The following SS18 variants were observed in gnomAD, a reference collection of about 807,000 sequenced individuals.
SS18 encodes SS18 subunit of BAF chromatin remodeling complex.
In SS18, 28 loss-of-function variants were observed where a neutral mutation model predicts 72.5. The ratio of observed to expected loss-of-function variants is 0.39; its 90% confidence interval spans 0.29 to 0.53. The LOEUF (loss-of-function observed/expected upper bound fraction) is 0.53, where lower values mean the gene tolerates loss of function less well. SS18 is among the 20% of genes least tolerant of loss of function. The probability of loss-of-function intolerance (pLI) is 0.76; values close to 1 mark genes in which losing one functional copy is unlikely to be tolerated. For synonymous variants in SS18, 172 were observed against 164.2 expected, an observed-to-expected ratio of 1.05 and a Z score of -0.37; for missense variants, 518 against 535.3, an observed-to-expected ratio of 0.97 and a Z score of 0.32.
chr18:26,046,719 C>T (rs114441512), intron 5 of SS18, among the ~76,000 whole-genome samples: 1,532 of 152,200 alleles, frequency 0.01, 22 homozygotes, highest in African/African-American at 0.035. Context: ...TGGCCAAGTC[C>T]CTCTTTCAAT....
intron 3 of SS18, among the ~76,000 whole-genome samples, chr18:26,075,456 T>C (rs1314773880): frequency 6.6e-6 from 1 of 151,922 alleles, no homozygotes; most frequent in African/African-American, 2.4e-5. Flanking sequence ...TTTTACCACA[T>C]TAACAGATTA....
In SS18 at chr18:26,048,495, T is replaced by C. The variant is rs1332407468; in HGVS notation, c.607+4129A>G. 5.3e-5 allele frequency among the ~76,000 whole-genome samples: 8 copies of C among 152,336 alleles called. No individual in the cohort carries two copies. In the East Asian group the frequency reaches 1.5e-3, roughly 29 times the overall value. On this transcript the variant is annotated intron_variant, in intron 5 of 10. Coordinates refer to ENST00000415083, the MANE Select transcript of SS18 (RefSeq NM_001007559.3). ...AAAATACATATGTAAAAGTAAATGC[T>C]AGGCCTATCTCAAGCACCTCCTTTT...
At chr18:26,043,289 T>C (rs766843342) in intron 5 of SS18, among the ~76,000 whole-genome samples, 35 of 152,120 alleles carry the variant, frequency 2.3e-4, no homozygotes, top group Non-Finnish European at 3.7e-4. Context: ...CCCATGCCAC[T>C]ATCTCCCATG....
intron 10 of SS18, among the ~76,000 whole-genome samples, chr18:26,022,813 C>T (rs940906563): frequency 6.6e-6 from 1 of 152,142 alleles, no homozygotes; most frequent in Admixed American, 6.5e-5. Context: ...AGGGCTGAGG[C>T]AAGAAACACC....
chr18:26,089,501 T>C (rs2054676142), intron 1 of SS18, among the ~76,000 whole-genome samples: 1 of 152,266 alleles, frequency 6.6e-6, no homozygotes, highest in East Asian at 1.9e-4. Flanking sequence ...GTACTAAAAC[T>C]TGACCTTTTT....
intron 3 of SS18, among the ~76,000 whole-genome samples, chr18:26,062,050 C>G (rs535139952): frequency 2.6e-5 from 4 of 152,230 alleles, no homozygotes; most frequent in Admixed American, 2.6e-4. Flanking sequence ...CCCTTGAGGC[C>G]AGGAGATCGA....
Position 26,035,281 on chromosome 18 carries a change from CAG to C in SS18, c.974-156_974-155del. 9.7e-7 allele frequency: 1 copy of C among 1,034,716 alleles called. No homozygotes were observed. Among genetic ancestry groups the C allele is most frequent in the Non-Finnish European group, 1.3e-6 (1 of 743,634 alleles). 64.1% of individuals were successfully genotyped at this position (1,034,716 alleles called of 1,614,324 possible). On this transcript the variant is annotated intron_variant, in intron 8 of 10. Coordinates refer to ENST00000415083, the MANE Select transcript of SS18 (RefSeq NM_001007559.3). The surrounding 1 kb of genome is among the most constrained non-coding windows in gnomAD (Gnocchi z 4.4). The stretch of plus-strand genomic sequence containing the variant: ...AAACAAAGAAAAAACTCAAACCAAA[CAG>C]AAGGATTTCGGCCAAACAAACTGCA...
chr18:26,082,907 G>A (rs182665118), intron 2 of SS18, among the ~76,000 whole-genome samples: 199 of 152,162 alleles, frequency 1.3e-3, no homozygotes, highest in South Asian at 4.4e-3. Flanking sequence ...TTCAGGCAAA[G>A]TTATCACATC....
At chr18:26,075,056 T>C (rs1037808688) in intron 3 of SS18, among the ~76,000 whole-genome samples, 29 of 152,002 alleles carry the variant, frequency 1.9e-4, no homozygotes, top group African/African-American at 6.7e-4. Context: ...ATAGAAATTG[T>C]CCTATAACAA....
In SS18 at chr18:26,028,922, T is replaced by C. The variant is rs78782517; in HGVS notation, c.1230+3477A>G. 1.1e-3 allele frequency among the ~76,000 whole-genome samples: 173 copies of C among 152,312 alleles called. 6 individuals are homozygous for C. The East Asian group carries it at 0.021, about 18-fold the overall frequency. On this transcript the variant is annotated intron_variant, in intron 10 of 10. Coordinates refer to ENST00000415083, the MANE Select transcript of SS18 (RefSeq NM_001007559.3). Reference sequence around the variant, plus strand: ...CAGTTTAATGGTATATAAATTATACTTCAATTAAGCTGTTCAAAAAACTAT... The same window carrying C: ...CAGTTTAATGGTATATAAATTATACCTCAATTAAGCTGTTCAAAAAACTAT...
intron 10 of SS18, among the ~76,000 whole-genome samples, chr18:26,024,448 T>G (rs553455413): frequency 1.6e-4 from 25 of 152,264 alleles, no homozygotes; most frequent in African/African-American, 5.8e-4. Flanking sequence ...CTCAGCCTCC[T>G]GAAGAGCTGG....
chr18:26,069,523 A>AAAAAAAAAAG (rs2054277553), intron 3 of SS18, among the ~76,000 whole-genome samples: 1 of 150,444 alleles, frequency 6.6e-6, no homozygotes, highest in African/African-American at 2.5e-5. Flanking sequence ...AAAAAAAAAA[A>AAAAAAAAAAG]AAAGAAAAAG....
At chr18:26,076,107 G>A (rs2054406713) in intron 3 of SS18, among the ~76,000 whole-genome samples, 1 of 151,754 alleles carries the variant, frequency 6.6e-6, no homozygotes, top group Non-Finnish European at 1.5e-5. Flanking sequence ...TCACGATTTG[G>A]AAAACTCAAT....
intron 5 of SS18, among the ~76,000 whole-genome samples, chr18:26,047,695 T>G (rs1489338392): frequency 1.3e-5 from 2 of 151,474 alleles, no homozygotes; most frequent in African/African-American, 4.9e-5. Context: ...CAAAAAAAAT[T>G]AGCCGGGCAT....
chr18:26,022,114 C>T (rs1003563611), intron 10 of SS18, among the ~76,000 whole-genome samples: 1 of 152,072 alleles, frequency 6.6e-6, no homozygotes, highest in Non-Finnish European at 1.5e-5. Flanking sequence ...AACATTATTC[C>T]TTCACAACAT....
chr18:26,072,041 G>A (rs1045620749), intron 3 of SS18, among the ~76,000 whole-genome samples: 1 of 152,064 alleles, frequency 6.6e-6, no homozygotes, highest in Non-Finnish European at 1.5e-5. Context: ...AAGTAACTAT[G>A]TGGATGATCT....
At chr18:26,082,401 CT>C in intron 2 of SS18, 1 of 963,204 alleles carries the variant, frequency 1.0e-6, no homozygotes, top group Non-Finnish European at 1.2e-6. Context: ...CGGGAATGCA[CT>C]TTATAGAATA....
chr18:26,090,602 A>G lies in SS18; in HGVS notation c.-33T>C, dbSNP rs1191684816. ...CCGTCACCACTATCGGCAAGTCCCG[A>G]GCGCTCCGGGTGAACGGCAAACTGG... On this transcript the variant is annotated 5_prime_UTR_variant, in exon 1 of 11. Transcript: ENST00000415083. 1 of 1,556,188 alleles carries G rather than the reference A, an allele frequency of 6.4e-7. No individual in the cohort carries two copies. The highest frequency in any genetic ancestry group is 8.7e-7 in the Non-Finnish European group (1 of 1,150,764).
At chr18:26,080,181 G>A (rs1004069388) in intron 2 of SS18, 13 of 192,100 alleles carry the variant, frequency 6.8e-5, no homozygotes, top group Non-Finnish European at 1.2e-4. Context: ...AGCACTAACA[G>A]GGACCACTAG....
Sources: allele counts gnomAD v4.1 joint callset (sites outside exome capture counted in the v4.1 genomes callset), GRCh38; gene constraint gnomAD v4.1.1; non-coding constraint Gnocchi (gnomAD v3.1); transcripts MANE v1.5; gene names NCBI Gene and HGNC (gene_info 2026-07-23, HGNC 2026-07-21).